The following CSMD1 variants were observed in gnomAD, a reference collection of about 807,000 sequenced individuals.
CSMD1 encodes the protein CUB and Sushi multiple domains 1.
CSMD1 carries 213 observed loss-of-function variants against 417.5 expected under a neutral mutation model. That is an observed-to-expected ratio of 0.51 (90% CI 0.46 to 0.57). CSMD1 has a LOEUF of 0.57. Among genes scored for constraint, CSMD1 ranks in the 20% least tolerant of loss-of-function variants. The probability of loss-of-function intolerance (pLI) is 0.00; values close to 1 mark genes in which losing one functional copy is unlikely to be tolerated. For synonymous variants in CSMD1, 2,862 were observed against 1,736.8 expected (o/e 1.65, Z -16.11); for missense variants, 6,923 against 4,529.7 (o/e 1.53, Z -15.17).
chr8:4,087,710 C>T (rs1021074698), intron 3 of CSMD1, among the ~76,000 whole-genome samples: 3 of 152,092 alleles, frequency 2.0e-5, no homozygotes, highest in African/African-American at 7.2e-5. Flanking sequence ...ATCCTGCCTC[C>T]CACACTCTCA....
intron 1 of CSMD1, among the ~76,000 whole-genome samples, chr8:4,941,899 C>T (rs1360118087): frequency 6.6e-6 from 1 of 152,100 alleles, no homozygotes. Flanking sequence ...CACATCTGGC[C>T]CCATCAGCAA....
intron 18 of CSMD1, among the ~76,000 whole-genome samples, chr8:3,385,263 A>C (rs1810934679): frequency 6.7e-6 from 1 of 149,556 alleles, no homozygotes; most frequent in South Asian, 2.1e-4. Flanking sequence ...ATACATGTGT[A>C]TGTATGAATA....
At chr8:3,920,356 T>G (rs1809151981) in intron 5 of CSMD1, among the ~76,000 whole-genome samples, 1 of 151,528 alleles carries the variant, frequency 6.6e-6, no homozygotes, top group South Asian at 2.1e-4. Context: ...GATGCGTGTG[T>G]GTTTGTGTGT....
At chr8:3,571,583 G>C (rs1207404019) in intron 10 of CSMD1, among the ~76,000 whole-genome samples, 3 of 151,972 alleles carry the variant, frequency 2.0e-5, no homozygotes, top group African/African-American at 7.3e-5. Context: ...CCACACCCAC[G>C]GCACCTACTG....
chr8:3,726,553 A>G (rs1242738750), intron 6 of CSMD1, among the ~76,000 whole-genome samples: 1 of 152,166 alleles, frequency 6.6e-6, no homozygotes, highest in Non-Finnish European at 1.5e-5. Context: ...AGTGTTTTTG[A>G]ATCTTCATGT....
chr8:3,904,482 T>C (rs544383307), intron 5 of CSMD1, among the ~76,000 whole-genome samples: 1 of 152,342 alleles, frequency 6.6e-6, no homozygotes, highest in African/African-American at 2.4e-5. Context: ...TGGCCATGGT[T>C]GTTCTACGGT....
chr8:4,138,756 G>C (rs982408099), intron 3 of CSMD1, among the ~76,000 whole-genome samples: 11 of 152,168 alleles, frequency 7.2e-5, no homozygotes, highest in African/African-American at 2.2e-4. Flanking sequence ...AAACCAACTA[G>C]TTATCTTTAA....
intron 1 of CSMD1, among the ~76,000 whole-genome samples, chr8:4,649,407 C>T (rs1469430260): frequency 6.6e-6 from 1 of 152,170 alleles, no homozygotes; most frequent in African/African-American, 2.4e-5. Context: ...CAGGCATTAT[C>T]ATTCCTATTT....
At chr8:3,661,291 G>A (rs564206972) in intron 7 of CSMD1, among the ~76,000 whole-genome samples, 1 of 152,256 alleles carries the variant, frequency 6.6e-6, no homozygotes, top group East Asian at 1.9e-4. Flanking sequence ...ATACCCTGCT[G>A]AGCGTTCAAA....
chr8:3,405,903 G>C (rs1434616719), intron 15 of CSMD1, 124 bp downstream of exon 15: 1 of 830,346 alleles, frequency 1.2e-6, no homozygotes, highest in African/African-American at 1.7e-5. Context: ...TTGGTTAAGT[G>C]ACTGTGTGTG....
intron 3 of CSMD1, among the ~76,000 whole-genome samples, chr8:4,071,243 G>A (rs1430424052): frequency 2.6e-5 from 4 of 151,426 alleles, no homozygotes; most frequent in African/African-American, 9.7e-5. Flanking sequence ...GCCTGATATT[G>A]TCCCAAAGAA....
At chr8:4,731,856 G>C (rs759784212) in intron 1 of CSMD1, among the ~76,000 whole-genome samples, 2 of 152,030 alleles carry the variant, frequency 1.3e-5, no homozygotes, top group Non-Finnish European at 2.9e-5. Context: ...TCTCACATGG[G>C]CTTTAGTACT....
chr8:3,233,241 A>C (rs1458227154), intron 26 of CSMD1, among the ~76,000 whole-genome samples: 1 of 152,148 alleles, frequency 6.6e-6, no homozygotes, highest in Non-Finnish European at 1.5e-5. Flanking sequence ...TGTATTAATC[A>C]TTTGTAAATT....
chr8:4,630,063 G>A (rs1471380928), intron 2 of CSMD1, among the ~76,000 whole-genome samples: 3 of 152,086 alleles, frequency 2.0e-5, no homozygotes, highest in Non-Finnish European at 4.4e-5. Flanking sequence ...AGATATGGAA[G>A]TGAACCATCC....
chr8:4,925,730 G>C (rs1033314644), intron 1 of CSMD1, among the ~76,000 whole-genome samples: 29 of 152,078 alleles, frequency 1.9e-4, no homozygotes, highest in African/African-American at 6.5e-4. Flanking sequence ...TGTATTTTTA[G>C]TAGAGACGGG....
chr8:3,468,297 A>C (rs1019775921), intron 12 of CSMD1, among the ~76,000 whole-genome samples: 1 of 152,204 alleles, frequency 6.6e-6, no homozygotes, highest in Non-Finnish European at 1.5e-5. Flanking sequence ...CTTTCATTTC[A>C]AATATTTGAA....
intron 5 of CSMD1, among the ~76,000 whole-genome samples, chr8:3,852,873 A>T (rs1804012831): frequency 6.6e-6 from 1 of 152,022 alleles, no homozygotes; most frequent in Non-Finnish European, 1.5e-5. Flanking sequence ...TCCCTCCAGC[A>T]TCCACGCAGG....
At chr8:4,344,318 G>A (rs569287874) in intron 3 of CSMD1, among the ~76,000 whole-genome samples, 51 of 152,094 alleles carry the variant, frequency 3.4e-4, no homozygotes, top group African/African-American at 1.2e-3. Flanking sequence ...TTCAGACGTG[G>A]CCTTCAAATC....
At chr8:4,515,111 C>T (rs975448889) in intron 2 of CSMD1, among the ~76,000 whole-genome samples, 4 of 152,124 alleles carry the variant, frequency 2.6e-5, no homozygotes, top group Non-Finnish European at 5.9e-5. Flanking sequence ...ACAGCAGCTC[C>T]CTTGGAAAGG....
Sources: allele counts gnomAD v4.1 joint callset (sites outside exome capture counted in the v4.1 genomes callset), GRCh38; gene constraint gnomAD v4.1.1; transcripts MANE v1.5; gene names NCBI Gene and HGNC (gene_info 2026-07-23, HGNC 2026-07-21).